Variants in ZNF827 observed in about 807,000 individuals in gnomAD.
ZNF827 encodes the protein zinc finger protein 827.
A neutral mutation model predicts 102.4 loss-of-function variants in ZNF827; 13 were observed. That is an observed-to-expected ratio of 0.13 (90% confidence interval 0.08 to 0.20). The LOEUF (loss-of-function observed/expected upper bound fraction) is 0.20, where lower values mean the gene tolerates loss of function less well. ZNF827 is among the 10% of genes least tolerant of loss of function. ZNF827 has a pLI of 1.00. For missense variants in ZNF827, 1,103 were observed against 1,344.4 expected, an observed-to-expected ratio of 0.82 and a Z score of 2.81; for synonymous variants, 523 against 536.2, an observed-to-expected ratio of 0.98 and a Z score of 0.34.
intron 1 of ZNF827, among the ~76,000 whole-genome samples, chr4:145,927,259 G>A (rs1490232853): frequency 6.6e-6 from 1 of 152,170 alleles, no homozygotes; most frequent in Non-Finnish European, 1.5e-5. Context: ...CATAATTCAG[G>A]CCTCAGACAG....
rs987164845 is a variant in ZNF827, at chr4:145,760,345, C to T, written c.*1271G>A. 6.6e-6 allele frequency: 1 copy of T among 152,320 alleles called. No homozygotes were observed. The highest frequency in any genetic ancestry group is 1.9e-4 in the East Asian group (1 of 5,198). 9.4% of individuals were successfully genotyped at this position (152,320 alleles called of 1,614,324 possible). A position where few individuals can be genotyped will look rare whatever the true frequency, so the allele number is the denominator to read the frequency against. ...ACACACGGCTTTCTCTTTCAGAATC[C>T]ACAAACGCCCACACACCGCATTCAC... On this transcript the variant is annotated 3_prime_UTR_variant, in exon 15 of 15. Transcript: ENST00000508784.
rs1248953048 is a variant in ZNF827, at chr4:145,757,725, C to T, written c.*3891G>A. On this transcript the variant is annotated 3_prime_UTR_variant, in exon 15 of 15. Coordinates refer to ENST00000508784, the MANE Select transcript of ZNF827 (RefSeq NM_001306215.2). The stretch of plus-strand genomic sequence containing the variant: ...GCAACATAAGATGCAAAGGAATATA[C>T]CAGTTACTGTCAAAATGACCCTGTA... The T allele has an allele frequency of 1.3e-5, 2 of 151,170 alleles. No individual in the cohort carries two copies. Among genetic ancestry groups the T allele is most frequent in the African/African-American group, 2.4e-5 (1 of 41,034 alleles). 9.4% of individuals were successfully genotyped at this position (151,170 alleles called of 1,614,324 possible). A position where few individuals can be genotyped will look rare whatever the true frequency, so the allele number is the denominator to read the frequency against.
intron 1 of ZNF827, among the ~76,000 whole-genome samples, chr4:145,931,406 T>C (rs770346774): frequency 2.6e-5 from 4 of 152,218 alleles, no homozygotes; most frequent in African/African-American, 4.8e-5. Flanking sequence ...TAAGCCAATA[T>C]AGTTATGAAA....
intron 8 of ZNF827, among the ~76,000 whole-genome samples, chr4:145,799,483 T>C (rs1740677672): frequency 6.6e-6 from 1 of 152,228 alleles, no homozygotes; most frequent in Non-Finnish European, 1.5e-5. Flanking sequence ...ACAGACACTG[T>C]CACAGTCTGT....
intron 7 of ZNF827, among the ~76,000 whole-genome samples, chr4:145,827,918 G>A (rs1022187064): frequency 4.6e-5 from 7 of 152,154 alleles, no homozygotes; most frequent in South Asian, 2.1e-4. Context: ...GCCAGTGACC[G>A]TAAAGTACAG....
In ZNF827 at chr4:145,870,252, T is replaced by C. The variant is rs748455482; in HGVS notation, c.1974A>G (p.Lys658=). ...SVKAASELLM[K]LSAESYKETQ... The stretch of plus-strand genomic sequence containing the variant: ...TTAGAATAAATCAAGTACCTGAGAG[T>C]TTCATGAGAAGTTCAGAGGCTGCTT... The change falls in exon 5 of 15, where the codon AAA becomes AAG. Residue 658 remains lysine (K), a synonymous_variant. Coordinates refer to ENST00000508784, the MANE Select transcript of ZNF827 (RefSeq NM_001306215.2). The C allele has an allele frequency of 6.2e-7, 1 of 1,612,884 alleles. No individual in the cohort carries two copies.
intron 2 of ZNF827, among the ~76,000 whole-genome samples, chr4:145,898,138 G>C (rs144292712): frequency 1.1e-3 from 174 of 152,330 alleles, no homozygotes; most frequent in African/African-American, 3.8e-3. Flanking sequence ...CTGGGCTATA[G>C]AGCCAGACGC....
In ZNF827 at chr4:145,862,599, T is replaced by C. The variant is rs555220462; in HGVS notation, c.1981+7646A>G. Among the ~76,000 whole-genome samples the C allele has an allele frequency of 9.8e-5, 15 of 152,296 alleles. No individual in the cohort carries two copies. In the South Asian group the frequency reaches 2.1e-3, roughly 21 times the overall value. On this transcript the variant is annotated intron_variant, in intron 5 of 14. Coordinates refer to ENST00000508784, the MANE Select transcript of ZNF827 (RefSeq NM_001306215.2). ...GATCCAGCCATTAGTTGTAGGCCCA[T>C]TGCTGGTCACATTCACTGTAAGTCA...
At chr4:145,890,825 G>A (rs1750532054) in intron 3 of ZNF827, among the ~76,000 whole-genome samples, 1 of 152,200 alleles carries the variant, frequency 6.6e-6, no homozygotes, top group African/African-American at 2.4e-5. Flanking sequence ...AGAACTCCTG[G>A]TTAAATGGAT....
Position 145,853,746 on chromosome 4 carries a change from C to T in ZNF827, c.1982-4185G>A, listed in dbSNP as rs532789992. Among the ~76,000 whole-genome samples, 6 of 152,240 alleles carry T rather than the reference C, an allele frequency of 3.9e-5. No individual in the cohort carries two copies. The South Asian group carries it at 1.2e-3, about 32-fold the overall frequency. On this transcript the variant is annotated intron_variant, in intron 5 of 14. Coordinates refer to ENST00000508784, the MANE Select transcript of ZNF827 (RefSeq NM_001306215.2). ...TCAGGAGGCTGAGGTGTATGGATTG[C>T]ATGAACCCAGCAGTTTGGAGACCAG...
At chr4:145,790,742 T>C (rs936639649) in intron 8 of ZNF827, among the ~76,000 whole-genome samples, 1 of 152,230 alleles carries the variant, frequency 6.6e-6, no homozygotes, top group Admixed American at 6.5e-5. Flanking sequence ...TCCCAGACAC[T>C]GCAATATTCT....
chr4:145,850,238 G>A (rs1746401899), intron 5 of ZNF827, among the ~76,000 whole-genome samples: 1 of 152,088 alleles, frequency 6.6e-6, no homozygotes, highest in South Asian at 2.1e-4. Context: ...TTCAACTCCT[G>A]ACCTCAGGTG....
At chr4:145,913,160 T>C (rs1752412334) in intron 1 of ZNF827, among the ~76,000 whole-genome samples, 1 of 152,144 alleles carries the variant, frequency 6.6e-6, no homozygotes, top group African/African-American at 2.4e-5. Context: ...GCATGGTGGC[T>C]CACACCTATA....
chr4:145,911,262 T>A (rs1213860940), intron 1 of ZNF827, among the ~76,000 whole-genome samples: 2 of 152,192 alleles, frequency 1.3e-5, no homozygotes. Flanking sequence ...TCTTTGAGTT[T>A]TAGCTTAACA....
intron 8 of ZNF827, among the ~76,000 whole-genome samples, chr4:145,802,722 T>C (rs2127111804): frequency 6.6e-6 from 1 of 152,308 alleles, no homozygotes; most frequent in African/African-American, 2.4e-5. Flanking sequence ...CCCTGGGACA[T>C]GAAGGCGGGA....
intron 8 of ZNF827, among the ~76,000 whole-genome samples, chr4:145,817,462 T>C (rs1414061112): frequency 6.6e-6 from 1 of 152,174 alleles, no homozygotes; most frequent in African/African-American, 2.4e-5. Flanking sequence ...CATCTCTGCA[T>C]GGCTGGGGAG....
Position 145,902,962 on chromosome 4 carries a change from A to T in ZNF827, c.297T>A (p.Asp99Glu), listed in dbSNP as rs937812483. 1 of 1,614,132 alleles carries T rather than the reference A, an allele frequency of 6.2e-7. No individual in the cohort carries two copies. Among genetic ancestry groups the T allele is most frequent in the Non-Finnish European group, 8.5e-7 (1 of 1,180,020 alleles). ...AAGAAGACACTCCCGGGGAAAGGTG[A>T]TCTTGACACTGCAGTGAGTCTCGCA... ...EVLRDSLQCQ[D>E]HLSPGVSSLC... is the part of the protein sequence containing the mutation. The change falls in exon 2 of 15, where the codon GAT becomes GAA. Residue 99 changes from aspartate (D) to glutamate (E), a missense_variant. By Grantham distance (45) the Asp-to-Glu change is conservative. Coordinates refer to ENST00000508784, the MANE Select transcript of ZNF827 (RefSeq NM_001306215.2). The surrounding 1 kb of genome is among the most constrained non-coding windows in gnomAD (Gnocchi z 4.3).
At chr4:145,923,829 A>G (rs1360335608) in intron 1 of ZNF827, among the ~76,000 whole-genome samples, 1 of 152,228 alleles carries the variant, frequency 6.6e-6, no homozygotes, top group Non-Finnish European at 1.5e-5. Context: ...CTACCATGAT[A>G]TAGATAAATA....
chr4:145,898,399 G>A (rs1400153920), intron 2 of ZNF827, among the ~76,000 whole-genome samples: 1 of 152,156 alleles, frequency 6.6e-6, no homozygotes, highest in Non-Finnish European at 1.5e-5. Context: ...ATGTTTTGGA[G>A]ACCCTCTCTC....
Sources: gnomAD v4.1 joint callset for allele counts (sites outside exome capture counted in the v4.1 genomes callset) on GRCh38, gnomAD v4.1.1 for gene constraint, Gnocchi (gnomAD v3.1) non-coding constraint, MANE v1.5 for transcripts, NCBI Gene and HGNC (gene_info 2026-07-23, HGNC 2026-07-21) for gene names.